The following PCDHGB2 variants were observed in gnomAD, a reference collection of about 807,000 sequenced individuals.
The protein encoded by PCDHGB2 is protocadherin gamma-B2.
A neutral mutation model predicts 59.3 loss-of-function variants in PCDHGB2; 55 were observed. The observed-to-expected ratio is 0.93, with a 90% CI of 0.75 to 1.16. The LOEUF (loss-of-function observed/expected upper bound fraction) is 1.16. PCDHGB2 is among the 50% of genes most tolerant of loss of function. The pLI, the probability that PCDHGB2 is intolerant of heterozygous loss-of-function variation, is 0.00. For missense variants in PCDHGB2, 1,228 were observed against 1,198.5 expected (o/e 1.02, Z -0.36); for synonymous variants, 516 against 512.0 (o/e 1.01, Z -0.11).
rs538734954 is a variant in PCDHGB2 at position 141,494,863 on chromosome 5, C to T, written c.2478C>T (p.Ser826=). The change falls in exon 2 of 4, where the codon AGC becomes AGT. Residue 826 remains serine, a splice_region_variant and synonymous_variant. Coordinates refer to ENST00000522605, the MANE Select transcript of PCDHGB2 (RefSeq NM_018923.3). The part of the protein sequence containing the change: ...RFSQAQRPGT[S]GSQNGDDTGT... ...CTCAGGCCCAGAGACCCGGCACCAG[C>T]GGGTAGGTGACTGATTCTCCAGCCC... 2 of 1,614,118 alleles carry T rather than the reference C, an allele frequency of 1.2e-6. No individual in the cohort carries two copies. Among genetic ancestry groups the T allele is most frequent in the East Asian group, 2.2e-5 (1 of 44,874 alleles).
chr5:141,509,081 A>T (rs1279221589), intron 3 of PCDHGB2, among the ~76,000 whole-genome samples: 1 of 152,160 alleles, frequency 6.6e-6, no homozygotes, highest in Non-Finnish European at 1.5e-5. Context: ...GATTTGCGAC[A>T]TGAAATGGGG....
chr5:141,410,617 T>A, intron 1 of PCDHGB2: 2 of 1,603,978 alleles, frequency 1.2e-6, no homozygotes, highest in Non-Finnish European at 1.7e-6. Flanking sequence ...AGACTCTGAC[T>A]TCGGTGAGTT....
intron 1 of PCDHGB2, chr5:141,375,132 CA>C (rs1265573516): frequency 6.2e-7 from 1 of 1,613,834 alleles, no homozygotes; most frequent in Non-Finnish European, 8.5e-7. Context: ...GTGGTTGTTA[CA>C]TCTGGAAGCA....
chr5:141,444,915 T>C (rs1262912255), intron 1 of PCDHGB2, among the ~76,000 whole-genome samples: 1 of 152,174 alleles, frequency 6.6e-6, no homozygotes, highest in East Asian at 1.9e-4. Flanking sequence ...TCTATACCTT[T>C]ATCAGGGAAA....
At chr5:141,399,237 A>C in intron 1 of PCDHGB2, 1 of 1,614,002 alleles carries the variant, frequency 6.2e-7, no homozygotes, top group Non-Finnish European at 8.5e-7. Flanking sequence ...TACATGACCA[A>C]GATTCTGGGG....
rs1023816949 is a variant in PCDHGB2, at chr5:141,362,715, T to C, written c.2421+159T>C. On this transcript the variant is annotated intron_variant, in intron 1 of 3. Transcript: ENST00000522605. ...CTAACTGAATTTTAAGTGTTTTCTC[T>C]CTGAAGTGTGAGATTTATTTACCCA... The C allele has an allele frequency of 8.8e-5, 80 of 911,620 alleles. No individual in the cohort carries two copies. In the East Asian group the frequency reaches 2.0e-3, roughly 23 times the overall value. The allele number at this position is 911,620 out of a possible 1,614,324, so 56.5% of individuals were successfully genotyped here.
At position 141,485,062 on chromosome 5, in the gene PCDHGB2, C is replaced by A; in HGVS notation, c.2422-9745C>A. 1 of 876,340 alleles carries A rather than the reference C, an allele frequency of 1.1e-6. No individual in the cohort carries two copies. Among genetic ancestry groups the A allele is most frequent in the African/African-American group, 1.7e-5 (1 of 59,510 alleles). The allele number at this position is 876,340 out of a possible 1,614,324, so 54.3% of individuals were successfully genotyped here. On this transcript the variant is annotated intron_variant, in intron 1 of 3. Coordinates refer to ENST00000522605, the MANE Select transcript of PCDHGB2 (RefSeq NM_018923.3). This position sits in a 1 kb window ranked among gnomAD's most constrained non-coding sequence, Gnocchi z 5.7. ...CCTTGCGGCGCCGGCCGAACCGCGC[C>A]AGAGCTGGCGCGGGGAAAGGGAGAT...
rs528371675 is a variant in PCDHGB2 at position 141,389,403 on chromosome 5, G to T, written c.2421+26847G>T. 18 of 1,613,628 alleles carry T rather than the reference G, an allele frequency of 1.1e-5. No individual in the cohort carries two copies. The African/African-American group carries it at 2.4e-4, about 21-fold the overall frequency. On this transcript the variant is annotated intron_variant, in intron 1 of 3. Transcript: ENST00000522605. The stretch of plus-strand genomic sequence containing the variant: ...GCTGTCATCCTACGTGTCCATAAGC[G>T]CGGAGAGCGGGGTGGTGTTCGCGCA...
intron 1 of PCDHGB2, chr5:141,374,173 G>A: frequency 6.2e-7 from 1 of 1,613,470 alleles, no homozygotes; most frequent in Non-Finnish European, 8.5e-7. Flanking sequence ...CGGCAGCGCA[G>A]ATCCGCTACT....
At chr5:141,393,218 C>G (rs1157907229) in intron 1 of PCDHGB2, 2 of 1,613,598 alleles carry the variant, frequency 1.2e-6, no homozygotes, top group Admixed American at 3.3e-5. Flanking sequence ...AATTCCAGGT[C>G]GAAGATCTAG....
In PCDHGB2 at chr5:141,360,379, G is replaced by A. The variant is rs1761567357; in HGVS notation, c.244G>A (p.Gly82Arg). 6.8e-6 allele frequency: 11 copies of A among 1,613,760 alleles called. No homozygotes were observed. The highest frequency in any genetic ancestry group is 9.3e-6 in the Non-Finnish European group (11 of 1,179,806). ...ATATTTCACAGTAAACCCAGAAAGC[G>A]GAGACTTACTTGTGAGTGACAGAAT... ...KEYFTVNPES[G>R]DLLVSDRIDR... is the part of the protein sequence containing the mutation. The change falls in exon 1 of 4, where the codon GGA becomes AGA. Residue 82 changes from glycine to arginine, a missense_variant. Around this residue, in one of 3 missense-constraint regions of PCDHGB2, gnomAD observed 781 missense variants for 721.6 expected, o/e 1.08. Transcript: ENST00000522605.
intron 1 of PCDHGB2, chr5:141,375,951 C>A (rs767101939): frequency 6.2e-7 from 1 of 1,613,408 alleles, no homozygotes; most frequent in Non-Finnish European, 8.5e-7. Flanking sequence ...GGCCTGCACA[C>A]GGGCGAGGTG....
chr5:141,374,065 AG>A, intron 1 of PCDHGB2: 1 of 1,497,724 alleles, frequency 6.7e-7, no homozygotes, highest in Non-Finnish European at 8.9e-7. Context: ...ATCCCAGAGA[AG>A]TTCCTAATAA....
chr5:141,485,930 G>A lies in PCDHGB2; in HGVS notation c.2422-8877G>A. ...ATCCAGCTACAGGATTAGTGTGTTG[G>A]AGAGCGCACCAGCGGGCATGGTGCT... On this transcript the variant is annotated intron_variant, in intron 1 of 3. Transcript: ENST00000522605. This position sits in a 1 kb window ranked among gnomAD's most constrained non-coding sequence, Gnocchi z 5.7. The A allele has an allele frequency of 6.2e-7, 1 of 1,614,178 alleles. No homozygotes were observed. Among genetic ancestry groups the A allele is most frequent in the Non-Finnish European group, 8.5e-7 (1 of 1,180,042 alleles).
intron 1 of PCDHGB2, among the ~76,000 whole-genome samples, chr5:141,370,065 A>G (rs960768866): frequency 6.6e-6 from 1 of 152,254 alleles, no homozygotes; most frequent in Non-Finnish European, 1.5e-5. Context: ...TCCTTTTAAA[A>G]TGGGAAGAAA....
chr5:141,492,164 C>T (rs1180358388), intron 1 of PCDHGB2, among the ~76,000 whole-genome samples: 2 of 152,230 alleles, frequency 1.3e-5, no homozygotes, highest in East Asian at 1.9e-4. Context: ...CTCCCTATCC[C>T]CGCATCACCC....
Position 141,491,589 on chromosome 5 carries a change from C to T in PCDHGB2, c.2422-3218C>T. 6.2e-7 allele frequency: 1 copy of T among 1,613,926 alleles called. No homozygotes were observed. The highest frequency in any genetic ancestry group is 8.5e-7 in the Non-Finnish European group (1 of 1,180,024). ...GGACGTGCTTTTCACCGGCCTCGGA[C>T]GGCAGTGACTTCACTTTTCTAAGAC... On this transcript the variant is annotated intron_variant, in intron 1 of 3. Transcript: ENST00000522605. This position sits in a 1 kb window ranked among gnomAD's most constrained non-coding sequence, Gnocchi z 6.9.
At chr5:141,429,912 A>G (rs1341795921) in intron 1 of PCDHGB2, among the ~76,000 whole-genome samples, 2 of 152,234 alleles carry the variant, frequency 1.3e-5, no homozygotes, top group Admixed American at 1.3e-4. Flanking sequence ...TTGAAATATA[A>G]TGTATTAATA....
In PCDHGB2 at chr5:141,421,851, T is replaced by A. The variant is rs771169063; in HGVS notation, c.2421+59295T>A. 16 of 1,613,596 alleles carry A rather than the reference T, an allele frequency of 9.9e-6. No homozygotes were observed. The Middle Eastern group carries it at 4.9e-4, about 50-fold the overall frequency. On this transcript the variant is annotated intron_variant, in intron 1 of 3. Coordinates refer to ENST00000522605, the MANE Select transcript of PCDHGB2 (RefSeq NM_018923.3). ...GCCTGGACCGAGAGAAAGAGGCTGC[T>A]CACCTGCTCCTCCTCACAGCTTTAG...
Sources: allele counts gnomAD v4.1 joint callset (sites outside exome capture counted in the v4.1 genomes callset), GRCh38; gene constraint gnomAD v4.1.1; regional missense constraint gnomAD v4.1.1; non-coding constraint Gnocchi (gnomAD v3.1); transcripts MANE v1.5; gene names NCBI Gene and HGNC (gene_info 2026-07-23, HGNC 2026-07-21).